MYO1H: variants seen among roughly 807,000 people sequenced by gnomAD.
MYO1H encodes the protein unconventional myosin-Ih.
A neutral mutation model predicts 149.3 loss-of-function variants in MYO1H; 118 were observed. The observed-to-expected ratio is 0.79, with a 90% confidence interval of 0.68 to 0.92. The LOEUF (loss-of-function observed/expected upper bound fraction) is 0.92, where lower values mean the gene tolerates loss of function less well. MYO1H is among the 40% of genes least tolerant of loss of function. The pLI is 0.00. For synonymous variants in MYO1H, 447 were observed against 465.2 expected (o/e 0.96, Z 0.50); for missense variants, 1,212 against 1,280.7 (o/e 0.95, Z 0.82).
chr12:109,431,248 C>T (rs1403718360), intron 19 of MYO1H, among the ~76,000 whole-genome samples: 16 of 149,982 alleles, frequency 1.1e-4, no homozygotes, highest in Admixed American at 3.4e-4. Context: ...GGTGTGGTGG[C>T]GGGCACCTGT....
the MYO1H span, among the ~76,000 whole-genome samples, chr12:109,336,639 A>G: frequency 2.0e-5 from 3 of 152,242 alleles, no homozygotes; most frequent in African/African-American, 7.2e-5. Flanking sequence ...TCAGACATTA[A>G]AAGAAAAAAT....
At chr12:109,441,748 T>G in intron 26 of MYO1H, 40 bp downstream of exon 26, 1 of 1,477,950 alleles carries the variant, frequency 6.8e-7, no homozygotes, top group South Asian at 1.2e-5. Flanking sequence ...GCTTTCCAAT[T>G]CTAAAAGGAG....
At chr12:109,393,933 C>A (rs1869785878) in intron 3 of MYO1H, among the ~76,000 whole-genome samples, 1 of 146,666 alleles carries the variant, frequency 6.8e-6, no homozygotes, top group Admixed American at 6.7e-5. Flanking sequence ...GTGCCATCTA[C>A]TGGTGCCTGA....
intron 5 of MYO1H, among the ~76,000 whole-genome samples, chr12:109,400,776 C>A (rs1218969494): frequency 6.6e-6 from 1 of 152,078 alleles, no homozygotes; most frequent in Non-Finnish European, 1.5e-5. Flanking sequence ...TGGATATCAA[C>A]ATGAATAAAA....
chr12:109,340,257 T>G, the MYO1H span, among the ~76,000 whole-genome samples: 2 of 152,186 alleles, frequency 1.3e-5, no homozygotes, highest in East Asian at 3.8e-4. Context: ...CTCAGCTCAC[T>G]GCAACCTCTG....
chr12:109,393,548 C>T, intron 3 of MYO1H, 102 bp downstream of exon 3: 1 of 561,002 alleles, frequency 1.8e-6, no homozygotes, highest in South Asian at 2.1e-5. Context: ...TTCATCCATC[C>T]ATCCATCCAT....
rs953136323 is a variant in MYO1H at position 109,403,904 on chromosome 12, G to T, written c.751-78G>T. The T allele has an allele frequency of 2.3e-5, 22 of 939,480 alleles. No individual in the cohort carries two copies. In the African/African-American group the frequency reaches 3.4e-4, roughly 15 times the overall value. The allele number at this position is 939,480 out of a possible 1,614,324, so 58.2% of individuals were successfully genotyped here. A position where few individuals can be genotyped will look rare whatever the true frequency, so the allele number is the denominator to read the frequency against. On this transcript the variant is annotated intron_variant, in intron 6 of 31. Coordinates refer to ENST00000310903, the Ensembl canonical transcript of MYO1H. ...AGTACATTATATAGGACTAGCTTTT[G>T]CATCTTCAGAGAGGAATAGACATGC...
At position 109,414,490 on chromosome 12, in the gene MYO1H, A is replaced by AAAAC. The variant is rs1555253128; in HGVS notation, c.1503-1033_1503-1032insCAAA. On this transcript the variant is annotated intron_variant, in intron 14 of 31. Coordinates refer to ENST00000310903, the Ensembl canonical transcript of MYO1H. ...AGACTCCATCTCAAAAAAAAAAAAA[A>AAAAC]AAAGAAAGAAAAAAAAAATCAAGAA... is the stretch of plus-strand genomic sequence containing the variant. Among the ~76,000 whole-genome samples the AAAAC allele has an allele frequency of 5.3e-5, 8 of 150,540 alleles. 1 individual carries two copies. Among genetic ancestry groups the AAAAC allele is most frequent in the African/African-American group, 2.0e-4 (8 of 40,402 alleles).
chr12:109,383,060 T>C (rs1004627), intron 1 of MYO1H, among the ~76,000 whole-genome samples: 54,015 of 151,752 alleles, frequency 0.36, 9,918 homozygotes, highest in Admixed American at 0.44. Flanking sequence ...GCAAACTCTC[T>C]TCTGCCCTAA....
intron 1 of MYO1H, among the ~76,000 whole-genome samples, chr12:109,365,786 T>C (rs1202289710): frequency 6.6e-6 from 1 of 152,154 alleles, no homozygotes; most frequent in East Asian, 1.9e-4. Context: ...TAGATGCTTC[T>C]GTGAGCTCCT....
chr12:109,351,882 A>G (rs1868466691), intron 1 of MYO1H, among the ~76,000 whole-genome samples: 1 of 152,224 alleles, frequency 6.6e-6, no homozygotes, highest in South Asian at 2.1e-4. Context: ...AATGTGGAAG[A>G]TTCCACGGTG....
At chr12:109,348,766 T>A (rs1868394888) in intron 1 of MYO1H, among the ~76,000 whole-genome samples, 1 of 152,228 alleles carries the variant, frequency 6.6e-6, no homozygotes, top group East Asian at 1.9e-4. Context: ...TGTTCTCTGT[T>A]TAGAAAACAT....
At chr12:109,387,923 T>C (rs556423168) in intron 1 of MYO1H, among the ~76,000 whole-genome samples, 2 of 152,344 alleles carry the variant, frequency 1.3e-5, no homozygotes, top group East Asian at 3.9e-4. Flanking sequence ...AGGAAGGTCA[T>C]GCCTGGTGCC....
chr12:109,387,020 G>C (rs1048293089), intron 1 of MYO1H, among the ~76,000 whole-genome samples: 6 of 148,096 alleles, frequency 4.1e-5, no homozygotes, highest in Non-Finnish European at 7.4e-5. Context: ...GTGTGTGTGT[G>C]TGTGTGTGTG....
At chr12:109,388,386 G>C (rs904918205) in intron 1 of MYO1H, among the ~76,000 whole-genome samples, 3 of 152,130 alleles carry the variant, frequency 2.0e-5, no homozygotes, top group Non-Finnish European at 4.4e-5. Flanking sequence ...TGTAGAATGG[G>C]CATCATAATA....
At chr12:109,393,219 C>T in intron 2 of MYO1H, 112 bp from the exon 3 acceptor site, 2 of 697,736 alleles carry the variant, frequency 2.9e-6, no homozygotes, top group Admixed American at 2.2e-5. Flanking sequence ...AGAGACCCCG[C>T]CTGATTTATC....
the MYO1H span, among the ~76,000 whole-genome samples, chr12:109,313,332 C>T: frequency 1.3e-5 from 2 of 152,250 alleles, no homozygotes; most frequent in South Asian, 2.1e-4. Flanking sequence ...CCAGTAATTT[C>T]GAATTCTGGT....
the MYO1H span, among the ~76,000 whole-genome samples, chr12:109,313,555 G>A: frequency 6.6e-6 from 1 of 152,188 alleles, no homozygotes; most frequent in Admixed American, 6.5e-5. Context: ...GTTGTCATAT[G>A]TCTTATTTAA....
the MYO1H span, among the ~76,000 whole-genome samples, chr12:109,327,387 CCACT>C: frequency 6.6e-6 from 1 of 151,594 alleles, no homozygotes; most frequent in Non-Finnish European, 1.5e-5. Flanking sequence ...CCCGCCTCGG[CCACT>C]CAAAGTGCTG....
Sources: allele counts gnomAD v4.1 joint callset (sites outside exome capture counted in the v4.1 genomes callset), GRCh38; gene constraint gnomAD v4.1.1; transcripts MANE v1.5; gene names NCBI Gene and HGNC (gene_info 2026-07-23, HGNC 2026-07-21).